Variants in TXK observed in about 807,000 individuals in gnomAD.
TXK encodes the protein tyrosine-protein kinase TXK.
Under a neutral mutation model 81.0 loss-of-function variants are expected in TXK, and 60 were observed. That is an observed-to-expected ratio of 0.74 (90% CI 0.60 to 0.92). TXK has a LOEUF of 0.92. Ranked by LOEUF, TXK falls within the 40% of genes least tolerant of loss-of-function variation. The probability of loss-of-function intolerance (pLI) is 0.00; values close to 1 mark genes in which losing one functional copy is unlikely to be tolerated. For synonymous variants in TXK, 203 were observed against 210.7 expected (o/e 0.96, Z 0.32); for missense variants, 581 against 638.3 (o/e 0.91, Z 0.97).
chr4:48,076,578 G>A (rs1190756320), intron 11 of TXK, 112 bp from the exon 12 acceptor site: 12 of 764,250 alleles, frequency 1.6e-5, no homozygotes, highest in Non-Finnish European at 2.4e-5. Context: ...TGTGTGTACC[G>A]CCAAGTCATT....
chr4:48,094,344 A>C, intron 7 of TXK, 140 bp from the exon 8 acceptor site: 1 of 935,434 alleles, frequency 1.1e-6, no homozygotes, highest in Admixed American at 2.7e-5. Flanking sequence ...AAATTCAACA[A>C]GTGCCCCCCC....
In TXK at chr4:48,073,999, C is replaced by A. The variant is rs371411908; in HGVS notation, c.1293G>T (p.Lys431Asn). The stretch of plus-strand genomic sequence containing the variant: ...AAAGAAAAACTTCAGGAGGGGACCA[C>A]TTGATTGGGAACTTGGCTCCAAAAG... ...VSSFGAKFPI[K>N]WSPPEVFLFN... Residue 431 changes from lysine (K) to asparagine (N), a missense_variant, in exon 13 of 15, where the codon AAG (lysine) becomes AAT (asparagine). Physicochemically the swap from Lys to Asn is moderately conservative, Grantham distance 94. Coordinates refer to ENST00000264316, the MANE Select transcript of TXK (RefSeq NM_003328.3). The A allele has an allele frequency of 1.9e-6, 3 of 1,613,892 alleles. No homozygotes were observed. Among genetic ancestry groups the A allele is most frequent in the Non-Finnish European group, 2.5e-6 (3 of 1,179,944 alleles).
intron 1 of TXK, among the ~76,000 whole-genome samples, chr4:48,125,850 AGG>A (rs2109485314): frequency 6.6e-6 from 1 of 152,332 alleles, no homozygotes; most frequent in South Asian, 2.1e-4. Context: ...TTGAGCCCAA[AGG>A]CGGTCTGCTG....
intron 6 of TXK, among the ~76,000 whole-genome samples, chr4:48,103,013 AG>A (rs1718259374): frequency 6.6e-6 from 1 of 152,168 alleles, no homozygotes; most frequent in Non-Finnish European, 1.5e-5. Flanking sequence ...AAAAAGATGA[AG>A]GGGGTGGGCT....
At chr4:48,120,142 T>C (rs1387293403) in intron 1 of TXK, among the ~76,000 whole-genome samples, 1 of 115,608 alleles carries the variant, frequency 8.6e-6, no homozygotes, top group Non-Finnish European at 1.8e-5. Context: ...TACATGTGTA[T>C]ATATGTATAT....
At chr4:48,121,301 T>C (rs1718954659) in intron 1 of TXK, among the ~76,000 whole-genome samples, 2 of 152,160 alleles carry the variant, frequency 1.3e-5, no homozygotes, top group South Asian at 4.1e-4. Context: ...TTTTTCTTCC[T>C]CCCTCCCCAA....
intron 1 of TXK, among the ~76,000 whole-genome samples, chr4:48,120,168 T>TATATGCATATGTATGTATATATGTAC (rs56907275): frequency 4.1e-5 from 6 of 147,308 alleles, no homozygotes; most frequent in African/African-American, 1.3e-4. Context: ...TATATATGTA[T>TATATGCATATGTATGTATATATGTAC]ATACGTATAT....
At position 48,082,308 on chromosome 4, in the gene TXK, AT is replaced by A. The variant is rs200263001; in HGVS notation, c.957-2181del. Among the ~76,000 whole-genome samples the A allele has an allele frequency of 6.7e-3, 1,023 of 152,300 alleles. 13 individuals carry two copies. The highest frequency in any genetic ancestry group is 0.023 in the African/African-American group (962 of 41,558). On this transcript the variant is annotated intron_variant, in intron 10 of 14. Coordinates refer to ENST00000264316, the MANE Select transcript of TXK (RefSeq NM_003328.3). ...TTGGACATGCCTCATAACCATTAAC[AT>A]CAACACAGACACTGAGACTGATAGA...
intron 5 of TXK, chr4:48,109,434 A>C (rs752541349): frequency 6.6e-6 from 1 of 152,220 alleles, no homozygotes; most frequent in Non-Finnish European, 1.5e-5. Flanking sequence ...TTTCTAAGGA[A>C]GGTGGGTTCA....
rs1458353654 is a variant in TXK, at chr4:48,114,393, A to T, written c.26T>A (p.Ile9Asn). The T allele has an allele frequency of 6.2e-7, 1 of 1,614,156 alleles. No homozygotes were observed. The highest frequency in any genetic ancestry group is 1.7e-5 in the Admixed American group (1 of 60,024). Residue 9 changes from isoleucine to asparagine, a missense_variant, in exon 2 of 15, where the codon ATC (isoleucine) becomes AAC (asparagine). By Grantham distance (149) the Ile-to-Asn change is moderately radical (BLOSUM62 -3). Coordinates refer to ENST00000264316, the MANE Select transcript of TXK (RefSeq NM_003328.3). The part of the protein sequence containing the change: MILSSYNT[I>N]QSVFCCCCCC... ...ACAGCAGCAACAGAAAACCGACTGGATGGTGTTATCTGAAAAGCAGATCAT... is the reference window on the plus strand; with the variant it reads ...ACAGCAGCAACAGAAAACCGACTGGTTGGTGTTATCTGAAAAGCAGATCAT...
chr4:48,134,183 T>C lies in TXK; in HGVS notation c.-13A>G. On this transcript the variant is annotated 5_prime_UTR_variant, in exon 1 of 15. Transcript: ENST00000264316. The stretch of plus-strand genomic sequence containing the variant: ...AGGAAAGGATCATGGTAGCCCCTTC[T>C]GCGGGGAGCACACAACAGTCTTCAG... 1 of 1,613,540 alleles carries C rather than the reference T, an allele frequency of 6.2e-7. No homozygotes were observed. The highest frequency in any genetic ancestry group is 8.5e-7 in the Non-Finnish European group (1 of 1,179,768).
At chr4:48,112,613 T>C in intron 3 of TXK, 101 bp from the exon 4 acceptor site, 2 of 1,233,688 alleles carry the variant, frequency 1.6e-6, no homozygotes, top group East Asian at 2.5e-5. Context: ...ACTTTTCTTA[T>C]CCAGCTACAC....
At chr4:48,120,047 T>C (rs888221629) in intron 1 of TXK, among the ~76,000 whole-genome samples, 2 of 149,718 alleles carry the variant, frequency 1.3e-5, no homozygotes, top group African/African-American at 2.5e-5. Context: ...ATCACCATTT[T>C]TCCCCCTCTA....
intron 6 of TXK, among the ~76,000 whole-genome samples, chr4:48,096,154 C>T (rs1717971878): frequency 6.6e-6 from 1 of 152,162 alleles, no homozygotes; most frequent in Non-Finnish European, 1.5e-5. Context: ...AGATATAAGC[C>T]TTATTCCCTG....
At chr4:48,118,131 C>T (rs1465468014) in intron 1 of TXK, among the ~76,000 whole-genome samples, 1 of 152,158 alleles carries the variant, frequency 6.6e-6, no homozygotes, top group Non-Finnish European at 1.5e-5. Flanking sequence ...CGAGGTAGAT[C>T]GGTGTCTCAG....
chr4:48,134,140 G>A lies in TXK; in HGVS notation c.16+15C>T. 3.1e-6 allele frequency: 5 copies of A among 1,612,490 alleles called. No individual in the cohort carries two copies. The highest frequency in any genetic ancestry group is 3.4e-6 in the Non-Finnish European group (4 of 1,179,278). ...ACAAGCCCCAAAAATAAATGACAAA[G>A]CCCATCTTACTCACAGGAGGAAAGG... is the stretch of plus-strand genomic sequence containing the variant. On this transcript the variant is annotated intron_variant, in intron 1 of 14. Transcript: ENST00000264316.
intron 6 of TXK, among the ~76,000 whole-genome samples, chr4:48,095,965 T>C (rs1717964170): frequency 6.6e-6 from 1 of 152,230 alleles, no homozygotes; most frequent in African/African-American, 2.4e-5. Flanking sequence ...CTTATGCTCA[T>C]GAAGAGGGAA....
chr4:48,117,163 C>G (rs1359851835), intron 1 of TXK, among the ~76,000 whole-genome samples: 1 of 152,132 alleles, frequency 6.6e-6, no homozygotes, highest in Non-Finnish European at 1.5e-5. Flanking sequence ...GCTGGGATTA[C>G]AGTTATGAGT....
At chr4:48,111,755 T>A (rs906949230) in intron 4 of TXK, among the ~76,000 whole-genome samples, 6 of 152,230 alleles carry the variant, frequency 3.9e-5, no homozygotes, top group Non-Finnish European at 5.9e-5. Flanking sequence ...AGTCCAGATA[T>A]TCCTCAGAAT....
Sources: gnomAD v4.1 joint callset for allele counts (sites outside exome capture counted in the v4.1 genomes callset) on GRCh38, gnomAD v4.1.1 for gene constraint, MANE v1.5 for transcripts, NCBI Gene and HGNC (gene_info 2026-07-23, HGNC 2026-07-21) for gene names.